ZNF385D: variants seen among roughly 807,000 people sequenced by gnomAD.
ZNF385D encodes zinc finger protein 659.
ZNF385D carries 15 observed loss-of-function variants against 35.8 expected under a neutral mutation model. The observed-to-expected ratio is 0.42, with a 90% confidence interval of 0.28 to 0.64. ZNF385D has a LOEUF of 0.64. Ranked by LOEUF, ZNF385D falls within the 30% of genes least tolerant of loss-of-function variation. The probability of loss-of-function intolerance (pLI) is 0.23; values close to 1 mark genes in which losing one functional copy is unlikely to be tolerated. For missense variants in ZNF385D, 474 were observed against 494.6 expected (o/e 0.96, Z 0.39); for synonymous variants, 212 against 186.8 (o/e 1.13, Z -1.10).
intron 3 of ZNF385D, chr3:22,168,617 A>T: frequency 1.1e-5 from 2 of 183,992 alleles, no homozygotes; most frequent in Non-Finnish European, 2.1e-5. Flanking sequence ...TCACAACCCT[A>T]ATACAATTAA....
intron 2 of ZNF385D, among the ~76,000 whole-genome samples, chr3:22,298,156 G>A (rs1187982147): frequency 1.3e-5 from 2 of 151,890 alleles, no homozygotes; most frequent in Non-Finnish European, 2.9e-5. Context: ...CAAAGAAAAT[G>A]TAAGCTATTA....
At chr3:21,816,873 C>T (rs2073170870) in intron 3 of ZNF385D, among the ~76,000 whole-genome samples, 1 of 152,092 alleles carries the variant, frequency 6.6e-6, no homozygotes, top group South Asian at 2.1e-4. Flanking sequence ...CCTCCATTGC[C>T]AAGACAATCC....
intron 3 of ZNF385D, among the ~76,000 whole-genome samples, chr3:22,007,743 C>A (rs114214952): frequency 6.6e-6 from 1 of 151,968 alleles, no homozygotes; most frequent in Non-Finnish European, 1.5e-5. Context: ...TGTTAATAAT[C>A]ATCACTTGTA....
intron 3 of ZNF385D, among the ~76,000 whole-genome samples, chr3:21,914,946 T>C (rs1453631833): frequency 6.6e-6 from 1 of 151,186 alleles, no homozygotes; most frequent in Non-Finnish European, 1.5e-5. Flanking sequence ...AAATCCAAAA[T>C]TAGTATGTGT....
chr3:21,851,619 C>A (rs777859329), intron 3 of ZNF385D, among the ~76,000 whole-genome samples: 12 of 151,962 alleles, frequency 7.9e-5, no homozygotes, highest in Non-Finnish European at 1.6e-4. Context: ...GTGGTCATGA[C>A]TCCATATGTT....
chr3:22,248,423 T>C (rs1364256135), intron 2 of ZNF385D, among the ~76,000 whole-genome samples: 1 of 152,196 alleles, frequency 6.6e-6, no homozygotes, highest in Admixed American at 6.5e-5. Context: ...GTAGATATTA[T>C]ATATTCACTG....
intron 2 of ZNF385D, among the ~76,000 whole-genome samples, chr3:22,362,050 T>G (rs1006086336): frequency 1.3e-5 from 2 of 151,352 alleles, no homozygotes; most frequent in African/African-American, 4.8e-5. Flanking sequence ...ATTAATATAT[T>G]AATATGGATG....
intron 3 of ZNF385D, among the ~76,000 whole-genome samples, chr3:21,923,510 T>C (rs1381867158): frequency 6.6e-6 from 1 of 152,160 alleles, no homozygotes; most frequent in Non-Finnish European, 1.5e-5. Context: ...TTACTGCATA[T>C]AGAATCAAAA....
intron 2 of ZNF385D, among the ~76,000 whole-genome samples, chr3:22,282,962 T>C (rs1423518935): frequency 6.6e-6 from 1 of 151,858 alleles, no homozygotes; most frequent in Non-Finnish European, 1.5e-5. Context: ...ATATAAGAAC[T>C]CATAAACTTA....
intron 2 of ZNF385D, among the ~76,000 whole-genome samples, chr3:22,188,593 G>A (rs1378926896): frequency 6.6e-6 from 1 of 151,966 alleles, no homozygotes; most frequent in African/African-American, 2.4e-5. Flanking sequence ...GGGACTACAG[G>A]TGCCTGCCAC....
chr3:22,136,432 AC>A (rs1335830026), intron 3 of ZNF385D, among the ~76,000 whole-genome samples: 1 of 152,120 alleles, frequency 6.6e-6, no homozygotes. Flanking sequence ...CAAAATTAAA[AC>A]CCTTTCTCAG....
At chr3:21,836,730 C>T (rs1255959729) in intron 3 of ZNF385D, among the ~76,000 whole-genome samples, 1 of 152,106 alleles carries the variant, frequency 6.6e-6, no homozygotes, top group Non-Finnish European at 1.5e-5. Flanking sequence ...ATTTTATATA[C>T]ATTTTACATA....
intron 3 of ZNF385D, among the ~76,000 whole-genome samples, chr3:22,070,035 G>C (rs1051530235): frequency 6.6e-6 from 1 of 152,168 alleles, no homozygotes; most frequent in Non-Finnish European, 1.5e-5. Context: ...GTCACTAACT[G>C]TCTAAATTCT....
intron 2 of ZNF385D, among the ~76,000 whole-genome samples, chr3:22,344,975 T>C (rs1037925916): frequency 6.6e-6 from 1 of 152,196 alleles, no homozygotes; most frequent in Non-Finnish European, 1.5e-5. Context: ...TACTTTTTCA[T>C]GCTTCCTATA....
chr3:22,272,871 T>C (rs533502259), intron 2 of ZNF385D, among the ~76,000 whole-genome samples: 3 of 151,950 alleles, frequency 2.0e-5, no homozygotes, highest in Admixed American at 6.6e-5. Context: ...CTCATATAGT[T>C]TCTCAATATT....
intron 2 of ZNF385D, among the ~76,000 whole-genome samples, chr3:22,188,073 C>T (rs907285263): frequency 6.6e-6 from 1 of 152,090 alleles, no homozygotes; most frequent in African/African-American, 2.4e-5. Context: ...ATGGAGTGTA[C>T]ACAGGAATCA....
intron 3 of ZNF385D, among the ~76,000 whole-genome samples, chr3:22,012,457 C>T (rs1165878418): frequency 6.6e-6 from 1 of 152,116 alleles, no homozygotes; most frequent in African/African-American, 2.4e-5. Flanking sequence ...TTCTCTCTCC[C>T]TCCCTCTGTA....
chr3:22,033,937 G>A (rs1158417814), intron 3 of ZNF385D, among the ~76,000 whole-genome samples: 3 of 152,126 alleles, frequency 2.0e-5, no homozygotes, highest in Admixed American at 2.0e-4. Context: ...TGAAAATCCT[G>A]TGTGCTGAGC....
At chr3:21,449,083 T>C (rs1260097080) in intron 4 of ZNF385D, among the ~76,000 whole-genome samples, 1 of 92,988 alleles carries the variant, frequency 1.1e-5, no homozygotes. Flanking sequence ...TATTTAAGTA[T>C]ATATTTAAGA....
Sources: allele counts gnomAD v4.1 joint callset (sites outside exome capture counted in the v4.1 genomes callset), GRCh38; gene constraint gnomAD v4.1.1; transcripts MANE v1.5; gene names NCBI Gene and HGNC (gene_info 2026-07-23, HGNC 2026-07-21).